PDGFD: variants seen among roughly 807,000 people sequenced by gnomAD.
The protein encoded by PDGFD is platelet derived growth factor D.
Under a neutral mutation model 44.7 loss-of-function variants are expected in PDGFD, and 30 were observed. The ratio of observed to expected loss-of-function variants is 0.67; its 90% confidence interval spans 0.50 to 0.91. The LOEUF (loss-of-function observed/expected upper bound fraction) is 0.91, where lower values mean the gene tolerates loss of function less well. Ranked by LOEUF, PDGFD falls within the 40% of genes least tolerant of loss-of-function variation. The pLI is 0.00. For missense variants in PDGFD, 445 were observed against 457.8 expected (o/e 0.97, Z 0.25); for synonymous variants, 173 against 168.4 (o/e 1.03, Z -0.21).
chr11:103,976,812 T>C (rs191119812), intron 3 of PDGFD, among the ~76,000 whole-genome samples: 31 of 152,154 alleles, frequency 2.0e-4, no homozygotes, highest in African/African-American at 6.7e-4. Context: ...AATCATGTGG[T>C]TTTTTGTCAT....
chr11:104,157,175 C>T (rs1016907332), intron 1 of PDGFD, among the ~76,000 whole-genome samples: 1 of 152,154 alleles, frequency 6.6e-6, no homozygotes, highest in African/African-American at 2.4e-5. Context: ...GAGCGACAAC[C>T]AGGGCGAGGG....
intron 1 of PDGFD, among the ~76,000 whole-genome samples, chr11:104,155,641 G>T (rs187228807): frequency 6.6e-6 from 1 of 152,130 alleles, no homozygotes; most frequent in African/African-American, 2.4e-5. Flanking sequence ...TCTACCATAC[G>T]ATCCTTATGA....
chr11:103,932,061 C>T (rs1331654922), intron 5 of PDGFD, among the ~76,000 whole-genome samples: 1 of 152,210 alleles, frequency 6.6e-6, no homozygotes, highest in Non-Finnish European at 1.5e-5. Flanking sequence ...ATTCACTCTA[C>T]ATCTCCTATG....
chr11:104,112,413 A>T (rs1264810307), intron 1 of PDGFD, among the ~76,000 whole-genome samples: 1 of 152,026 alleles, frequency 6.6e-6, no homozygotes, highest in African/African-American at 2.4e-5. Flanking sequence ...AGAAATGCTT[A>T]TTCACTGTTG....
chr11:104,066,117 G>A (rs1860787965), intron 1 of PDGFD, among the ~76,000 whole-genome samples: 1 of 152,092 alleles, frequency 6.6e-6, no homozygotes, highest in African/African-American at 2.4e-5. Flanking sequence ...GCAGCATCAG[G>A]GCATAGTAAA....
intron 3 of PDGFD, among the ~76,000 whole-genome samples, chr11:103,957,053 T>C (rs992758523): frequency 4.6e-5 from 7 of 152,198 alleles, no homozygotes; most frequent in Non-Finnish European, 5.9e-5. Context: ...GCAGAAGCTC[T>C]TTAGTTTAAT....
intron 3 of PDGFD, among the ~76,000 whole-genome samples, chr11:103,980,849 G>C (rs1175088217): frequency 1.3e-5 from 2 of 151,946 alleles, no homozygotes; most frequent in Middle Eastern, 3.2e-3. Context: ...ACCCACAAGA[G>C]AGCCCTCACC....
chr11:104,027,721 T>A (rs1218671443), intron 1 of PDGFD, among the ~76,000 whole-genome samples: 1 of 152,242 alleles, frequency 6.6e-6, no homozygotes, highest in Non-Finnish European at 1.5e-5. Context: ...AGATATAGAA[T>A]ACTGTCCTTT....
chr11:104,126,325 C>A (rs1029477226), intron 1 of PDGFD, among the ~76,000 whole-genome samples: 1 of 152,130 alleles, frequency 6.6e-6, no homozygotes, highest in African/African-American at 2.4e-5. Context: ...CTCCTCCAGT[C>A]CAACAGGGCT....
intron 1 of PDGFD, among the ~76,000 whole-genome samples, chr11:104,098,167 T>C (rs1475622715): frequency 2.0e-5 from 3 of 152,172 alleles, no homozygotes; most frequent in Non-Finnish European, 4.4e-5. Context: ...GTAACAAATA[T>C]GAAAGTATCC....
In PDGFD at chr11:103,907,644, G is replaced by A. The variant is rs1857956567; in HGVS notation, c.*2050C>T. On this transcript the variant is annotated 3_prime_UTR_variant, in exon 7 of 7. Coordinates refer to ENST00000393158, the MANE Select transcript of PDGFD (RefSeq NM_025208.5). ...CTTGCTGGTTATTGCAGCCTGGAAG[G>A]TTTATTGAAAACTGGGTAGAACACT... 1 of 152,180 alleles carries A rather than the reference G, an allele frequency of 6.6e-6. No homozygotes were observed. Among genetic ancestry groups the A allele is most frequent in the African/African-American group, 2.4e-5 (1 of 41,428 alleles). 9.4% of individuals were successfully genotyped at this position (152,180 alleles called of 1,614,324 possible).
chr11:104,002,760 C>T lies in PDGFD; in HGVS notation c.125-2505G>A, dbSNP rs1714214118. Among the ~76,000 whole-genome samples, 3 of 152,148 alleles carry T rather than the reference C, an allele frequency of 2.0e-5. No individual in the cohort carries two copies. In the South Asian group the frequency reaches 6.2e-4, roughly 32 times the overall value. On this transcript the variant is annotated intron_variant, in intron 1 of 6. Transcript: ENST00000393158. ...CAATTTTTGCCACATTTTTGTGCCT[C>T]TAGTGCTATTAATTATTTATTAGTT... is the stretch of plus-strand genomic sequence containing the variant.
At chr11:104,096,346 A>G (rs1292661970) in intron 1 of PDGFD, among the ~76,000 whole-genome samples, 1 of 152,202 alleles carries the variant, frequency 6.6e-6, no homozygotes, top group Admixed American at 6.6e-5. Flanking sequence ...GAAAAAAAAC[A>G]GCAAATAGGG....
chr11:104,037,048 C>G lies in PDGFD; in HGVS notation c.125-36793G>C. Reference sequence around the variant, plus strand: ...AGATGGCGATATCGTGGTTTTACTGCAGAAGGACAATGTGGGACCTCGGGC... The same window carrying G: ...AGATGGCGATATCGTGGTTTTACTGGAGAAGGACAATGTGGGACCTCGGGC... On this transcript the variant is annotated intron_variant, in intron 1 of 6. Transcript: ENST00000393158. 1.9e-6 allele frequency: 3 copies of G among 1,614,244 alleles called. No homozygotes were observed. In the South Asian group the frequency reaches 3.3e-5, roughly 18 times the overall value.
chr11:104,040,821 T>C (rs1860337026), intron 1 of PDGFD, among the ~76,000 whole-genome samples: 2 of 152,026 alleles, frequency 1.3e-5, no homozygotes, highest in South Asian at 2.1e-4. Context: ...CATCATTATA[T>C]AACTGAAACA....
At chr11:104,034,446 G>A (rs1368398978) in intron 1 of PDGFD, among the ~76,000 whole-genome samples, 1 of 152,090 alleles carries the variant, frequency 6.6e-6, no homozygotes, top group Admixed American at 6.6e-5. Flanking sequence ...TGAGAAACAG[G>A]AGCCAAAAAA....
At chr11:103,982,057 C>A (rs1859279812) in intron 3 of PDGFD, among the ~76,000 whole-genome samples, 1 of 151,688 alleles carries the variant, frequency 6.6e-6, no homozygotes, top group Non-Finnish European at 1.5e-5. Context: ...TTGACCCTTA[C>A]AATTCCCCTC....
At chr11:103,975,693 G>A (rs1375647251) in intron 3 of PDGFD, among the ~76,000 whole-genome samples, 1 of 152,062 alleles carries the variant, frequency 6.6e-6, no homozygotes, top group Admixed American at 6.6e-5. Context: ...AAGGGGTCCA[G>A]TTTCTTTTTT....
At chr11:104,156,487 A>G (rs1182191707) in intron 1 of PDGFD, among the ~76,000 whole-genome samples, 2 of 152,232 alleles carry the variant, frequency 1.3e-5, no homozygotes, top group Admixed American at 6.5e-5. Context: ...ACACTCTACA[A>G]AAAAGTGCTC....
Sources: gnomAD v4.1 joint callset for allele counts (sites outside exome capture counted in the v4.1 genomes callset) on GRCh38, gnomAD v4.1.1 for gene constraint, MANE v1.5 for transcripts, NCBI Gene and HGNC (gene_info 2026-07-23, HGNC 2026-07-21) for gene names.